Variants in HECW2 observed in about 807,000 individuals in gnomAD.
The protein encoded by HECW2 is HECT, C2 and WW domain containing E3 ubiquitin protein ligase 2.
HECW2 carries 61 observed loss-of-function variants against 175.2 expected under a neutral mutation model. That is an observed-to-expected ratio of 0.35 (90% CI 0.28 to 0.43). The LOEUF (loss-of-function observed/expected upper bound fraction) is 0.43. Among genes scored for constraint, HECW2 ranks in the 20% least tolerant of loss-of-function variants. The probability of loss-of-function intolerance (pLI) is 1.00; values close to 1 mark genes in which losing one functional copy is unlikely to be tolerated. For synonymous variants in HECW2, 671 were observed against 731.0 expected (o/e 0.92, Z 1.32); for missense variants, 1,524 against 2,000.5 (o/e 0.76, Z 4.54).
chr2:196,259,938 T>C (rs1243052642), intron 17 of HECW2: 1 of 152,198 alleles, frequency 6.6e-6, no homozygotes, highest in African/African-American at 2.4e-5. Context: ...CTTTTGTCTA[T>C]CAACACAGTG....
intron 13 of HECW2, among the ~76,000 whole-genome samples, chr2:196,299,118 C>T (rs576775830): frequency 6.6e-6 from 1 of 152,162 alleles, no homozygotes; most frequent in South Asian, 2.1e-4. Flanking sequence ...CCTAAACCCA[C>T]AGAATTTAAG....
intron 21 of HECW2, among the ~76,000 whole-genome samples, chr2:196,234,004 A>G (rs940578355): frequency 1.3e-5 from 2 of 152,186 alleles, no homozygotes; most frequent in African/African-American, 4.8e-5. Context: ...GGAAGTTCTT[A>G]AACTCCCAAA....
chr2:196,389,394 G>T (rs988091807), intron 2 of HECW2, among the ~76,000 whole-genome samples: 8 of 152,120 alleles, frequency 5.3e-5, no homozygotes, highest in Non-Finnish European at 1.0e-4. Context: ...TGGGCTCCTG[G>T]TCAAATACGA....
chr2:196,324,934 C>T, intron 6 of HECW2, 46 bp downstream of exon 6: 2 of 1,469,278 alleles, frequency 1.4e-6, no homozygotes, highest in East Asian at 2.3e-5. Flanking sequence ...AGAGACTGGG[C>T]TGACTTCCTC....
At chr2:196,503,538 T>A (rs926037833) in intron 1 of HECW2, among the ~76,000 whole-genome samples, 1 of 152,008 alleles carries the variant, frequency 6.6e-6, no homozygotes, top group African/African-American at 2.4e-5. Context: ...TGCTACTGAG[T>A]GCTCCCCCTA....
In HECW2 at chr2:196,466,478, T is replaced by C. The variant is rs778917681; in HGVS notation, c.-35-33020A>G. ...ATTACTACTTGTAAGTATGAACTTA[T>C]AAAAACATCAAATTATAGCTTTCCC... On this transcript the variant is annotated intron_variant, in intron 1 of 28. Coordinates refer to ENST00000644978, the MANE Select transcript of HECW2 (RefSeq NM_001348768.2). Among the ~76,000 whole-genome samples the C allele has an allele frequency of 2.0e-5, 3 of 152,206 alleles. No individual in the cohort carries two copies. In the South Asian group the frequency reaches 6.2e-4, roughly 32 times the overall value.
chr2:196,202,604 T>C (rs1686901728), intron 28 of HECW2, among the ~76,000 whole-genome samples: 2 of 152,208 alleles, frequency 1.3e-5, no homozygotes, highest in African/African-American at 4.8e-5. Flanking sequence ...GAGGTATTGT[T>C]AGCTACATTT....
intron 19 of HECW2, among the ~76,000 whole-genome samples, chr2:196,245,712 A>G (rs1395360302): frequency 1.3e-5 from 2 of 152,242 alleles, no homozygotes; most frequent in African/African-American, 4.8e-5. Context: ...AAAACTGGCT[A>G]TTGACCAATA....
At chr2:196,442,154 T>G (rs1010451920) in intron 1 of HECW2, among the ~76,000 whole-genome samples, 1 of 152,186 alleles carries the variant, frequency 6.6e-6, no homozygotes, top group Non-Finnish European at 1.5e-5. Context: ...CATTAATATT[T>G]AACTCATTTA....
At chr2:196,413,218 G>A (rs988360922) in intron 2 of HECW2, among the ~76,000 whole-genome samples, 1 of 152,150 alleles carries the variant, frequency 6.6e-6, no homozygotes, top group Admixed American at 6.5e-5. Flanking sequence ...GCCAGGCATG[G>A]TGGTGTACTG....
At chr2:196,495,517 T>C (rs997026082) in intron 1 of HECW2, among the ~76,000 whole-genome samples, 1 of 152,056 alleles carries the variant, frequency 6.6e-6, no homozygotes, top group South Asian at 2.1e-4. Context: ...AGACCACCAA[T>C]AGGAAAGATC....
chr2:196,348,466 G>T (rs1055954544), intron 2 of HECW2, among the ~76,000 whole-genome samples: 19 of 151,874 alleles, frequency 1.3e-4, no homozygotes, highest in Non-Finnish European at 2.2e-4. Flanking sequence ...AACACAACAA[G>T]ACCCTGTCTC....
intron 1 of HECW2, among the ~76,000 whole-genome samples, chr2:196,448,050 CT>C (rs1696238147): frequency 6.6e-6 from 1 of 152,146 alleles, no homozygotes. Flanking sequence ...TAGAGGGAGA[CT>C]TCATCTCAAA....
rs1241758335 is a variant in HECW2, at chr2:196,194,843, A to T, written c.*6434T>A. ...CACTGTGTGGTGAACGTAATGACTG[A>T]GGTTGGTGAAGAGAAATTAAAAGCT... On this transcript the variant is annotated 3_prime_UTR_variant, in exon 29 of 29. Transcript: ENST00000644978. The T allele has an allele frequency of 6.6e-6, 1 of 152,196 alleles. No individual in the cohort carries two copies. Among genetic ancestry groups the T allele is most frequent in the Non-Finnish European group, 1.5e-5 (1 of 68,022 alleles). The allele number at this position is 152,196 out of a possible 1,614,324, so 9.4% of individuals were successfully genotyped here.
In HECW2 at chr2:196,318,011, T is replaced by G. The variant is rs572502500; in HGVS notation, c.2338+541A>C. Reference sequence around the variant, plus strand: ...AGACAAAAACACTACCTTTGATGCATAGCATACATTAATCTTCCACTGTGA... The same window carrying G: ...AGACAAAAACACTACCTTTGATGCAGAGCATACATTAATCTTCCACTGTGA... On this transcript the variant is annotated intron_variant, in intron 9 of 28. Transcript: ENST00000644978. Among the ~76,000 whole-genome samples, 12 of 152,316 alleles carry G rather than the reference T, an allele frequency of 7.9e-5. No individual in the cohort carries two copies. The South Asian group carries it at 2.3e-3, about 29-fold the overall frequency.
At chr2:196,227,964 G>T in intron 22 of HECW2, 138 bp downstream of exon 22, 1 of 681,436 alleles carries the variant, frequency 1.5e-6, no homozygotes, top group East Asian at 3.1e-5. Context: ...ATAAAAACAA[G>T]AGTCAAATGA....
At chr2:196,395,025 T>C (rs1279217861) in intron 2 of HECW2, among the ~76,000 whole-genome samples, 1 of 152,162 alleles carries the variant, frequency 6.6e-6, no homozygotes, top group Non-Finnish European at 1.5e-5. Flanking sequence ...GATAGCTCTT[T>C]GGGGTCTTTT....
chr2:196,450,353 T>C (rs1410045995), intron 1 of HECW2, among the ~76,000 whole-genome samples: 1 of 152,088 alleles, frequency 6.6e-6, no homozygotes, highest in East Asian at 1.9e-4. Context: ...GCATTTTTTC[T>C]GGAGATGAGA....
At chr2:196,267,900 G>A (rs1399252704) in intron 17 of HECW2, among the ~76,000 whole-genome samples, 1 of 152,182 alleles carries the variant, frequency 6.6e-6, no homozygotes, top group African/African-American at 2.4e-5. Context: ...AGATGAGAAA[G>A]GACATATGCC....
Sources: gnomAD v4.1 joint callset for allele counts (sites outside exome capture counted in the v4.1 genomes callset) on GRCh38, gnomAD v4.1.1 for gene constraint, MANE v1.5 for transcripts, NCBI Gene and HGNC (gene_info 2026-07-23, HGNC 2026-07-21) for gene names.